ATXN10: variants seen among roughly 807,000 people sequenced by gnomAD.
ATXN10 encodes the protein ataxin 10.
A neutral mutation model predicts 52.9 loss-of-function variants in ATXN10; 28 were observed. The ratio of observed to expected loss-of-function variants is 0.53; its 90% CI spans 0.39 to 0.73. ATXN10 has a LOEUF of 0.73. ATXN10 is among the 30% of genes least tolerant of loss of function. The probability of loss-of-function intolerance (pLI) is 0.00; values close to 1 mark genes in which losing one functional copy is unlikely to be tolerated. For synonymous variants in ATXN10, 226 were observed against 221.5 expected (o/e 1.02, Z -0.18); for missense variants, 565 against 577.0 (o/e 0.98, Z 0.21).
At chr22:45,821,578 G>A (rs1307910349) in intron 10 of ATXN10, among the ~76,000 whole-genome samples, 2 of 152,250 alleles carry the variant, frequency 1.3e-5, no homozygotes, top group East Asian at 1.9e-4. Context: ...AAAATTATTT[G>A]TTCAGTTATA....
At chr22:45,793,093 A>C (rs1188835930) in intron 9 of ATXN10, 1 of 227,660 alleles carries the variant, frequency 4.4e-6, no homozygotes, top group Non-Finnish European at 9.3e-6. Context: ...TCTCCCACAA[A>C]ACCTGACATA....
At chr22:45,776,505 CTT>C (rs745990618) in intron 9 of ATXN10, among the ~76,000 whole-genome samples, 19 of 143,220 alleles carry the variant, frequency 1.3e-4, no homozygotes, top group Admixed American at 2.8e-4. Flanking sequence ...TCCCTGATAC[CTT>C]TTTTTTTTTT....
intron 7 of ATXN10, among the ~76,000 whole-genome samples, chr22:45,731,381 A>G (rs996433772): frequency 1.3e-5 from 2 of 152,204 alleles, no homozygotes; most frequent in Non-Finnish European, 2.9e-5. Context: ...AACTTTCTGG[A>G]TAGTAGAATG....
chr22:45,790,713 T>C lies in ATXN10; in HGVS notation c.1174-16246T>C, dbSNP rs1927478247. On this transcript the variant is annotated intron_variant, in intron 9 of 11. Transcript: ENST00000252934. This position sits in a 1 kb window ranked among gnomAD's most constrained non-coding sequence, Gnocchi z 4.7. ...TTTTGTAGGACCCAATCACAGTTTC[T>C]GTTCAAATAGCCACTGAAACATCTA... Among the ~76,000 whole-genome samples, 1 of 152,244 alleles carries C rather than the reference T, an allele frequency of 6.6e-6. No homozygotes were observed. Among genetic ancestry groups the C allele is most frequent in the South Asian group, 2.1e-4 (1 of 4,834 alleles).
At chr22:45,674,318 G>C (rs1203609284) in intron 1 of ATXN10, 1 of 152,350 alleles carries the variant, frequency 6.6e-6, no homozygotes, top group African/African-American at 2.4e-5. Flanking sequence ...TTCTGGGACA[G>C]TGTCCTTGTT....
At chr22:45,838,990 A>G (rs1929258633) in intron 10 of ATXN10, among the ~76,000 whole-genome samples, 1 of 152,242 alleles carries the variant, frequency 6.6e-6, no homozygotes, top group Non-Finnish European at 1.5e-5. Flanking sequence ...GGGGCAGTGG[A>G]GCAAACTTCA....
rs193101383 is a variant in ATXN10 at position 45,796,679 on chromosome 22, C to T, written c.1174-10280C>T. ...TTGAAATATTGGGGGCTGGTTCCCC[C>T]GATAGATGGGGTTTCACCGTGTTGG... On this transcript the variant is annotated intron_variant, in intron 9 of 11. Transcript: ENST00000252934. 1.0e-3 allele frequency among the ~76,000 whole-genome samples: 154 copies of T among 152,226 alleles called. 4 individuals carry two copies. In the East Asian group the frequency reaches 0.024, roughly 24 times the overall value.
At chr22:45,724,277 TC>T (rs1410977968) in intron 6 of ATXN10, among the ~76,000 whole-genome samples, 2 of 152,076 alleles carry the variant, frequency 1.3e-5, no homozygotes, top group South Asian at 2.1e-4. Context: ...TATTTTACTT[TC>T]CCCCCAGCAT....
Position 45,696,516 on chromosome 22 carries a change from A to G in ATXN10, c.391+3438A>G, listed in dbSNP as rs1003859081. ...TTAGAATGGAGCCAGCCCCTCCACC[A>G]TGTGCTGGATTTCATCGCCACTTGC... On this transcript the variant is annotated intron_variant, in intron 3 of 11. Transcript: ENST00000252934. The surrounding 1 kb of genome is among the most constrained non-coding windows in gnomAD (Gnocchi z 4.7). 6.6e-6 allele frequency among the ~76,000 whole-genome samples: 1 copy of G among 152,240 alleles called. No homozygotes were observed. The highest frequency in any genetic ancestry group is 1.5e-5 in the Non-Finnish European group (1 of 68,048).
rs1424956452 is a variant in ATXN10, at chr22:45,718,123, A to G, written c.648-290A>G. On this transcript the variant is annotated intron_variant, in intron 5 of 11. Transcript: ENST00000252934. This position sits in a 1 kb window ranked among gnomAD's most constrained non-coding sequence, Gnocchi z 4.4. ...CTAAATGAAGAATTTTTCTTTCTCA[A>G]CTTAGATAACAGCTATAGTAGCCCT... is the stretch of plus-strand genomic sequence containing the variant. 1.3e-5 allele frequency among the ~76,000 whole-genome samples: 2 copies of G among 152,204 alleles called. No homozygotes were observed. The highest frequency in any genetic ancestry group is 1.3e-4 in the Admixed American group (2 of 15,280).
intron 9 of ATXN10, among the ~76,000 whole-genome samples, chr22:45,746,208 A>G (rs892078133): frequency 6.6e-6 from 1 of 151,684 alleles, no homozygotes; most frequent in Non-Finnish European, 1.5e-5. Context: ...GTTGTTAAAC[A>G]TTCATAACAT....
At chr22:45,779,536 C>T (rs1276749297) in intron 9 of ATXN10, among the ~76,000 whole-genome samples, 2 of 152,148 alleles carry the variant, frequency 1.3e-5, no homozygotes, top group Non-Finnish European at 2.9e-5. Context: ...GGTGAGTGGC[C>T]GTCTTGCAGT....
chr22:45,711,762 G>C (rs1312940829), intron 5 of ATXN10, among the ~76,000 whole-genome samples: 1 of 152,172 alleles, frequency 6.6e-6, no homozygotes, highest in Non-Finnish European at 1.5e-5. Context: ...ATGTTAGGAT[G>C]TGCACTGCTT....
chr22:45,718,359 T>C lies in ATXN10; in HGVS notation c.648-54T>C. On this transcript the variant is annotated intron_variant, in intron 5 of 11. Transcript: ENST00000252934. This position sits in a 1 kb window ranked among gnomAD's most constrained non-coding sequence, Gnocchi z 4.4. ...GGTGCCTATAAAGTAGATAAGGGCA[T>C]GTCTCTTTTACTATGTTTCAAGTAA... 1 of 1,333,260 alleles carries C rather than the reference T, an allele frequency of 7.5e-7. No individual in the cohort carries two copies. 82.6% of individuals were successfully genotyped at this position (1,333,260 alleles called of 1,614,324 possible). A position where few individuals can be genotyped will look rare whatever the true frequency, so the allele number is the denominator to read the frequency against.
intron 5 of ATXN10, among the ~76,000 whole-genome samples, chr22:45,709,251 T>A (rs553586317): frequency 1.3e-4 from 20 of 152,320 alleles, no homozygotes; most frequent in Non-Finnish European, 2.5e-4. Flanking sequence ...GACTGTGAGC[T>A]CCCTGTAAGG....
chr22:45,754,919 A>G lies in ATXN10; in HGVS notation c.1173+14381A>G, dbSNP rs1326515577. On this transcript the variant is annotated intron_variant, in intron 9 of 11. Transcript: ENST00000252934. The surrounding 1 kb of genome is among the most constrained non-coding windows in gnomAD (Gnocchi z 5.4). ...AGGCAGCCACCATGAAGGGGTGCCA[A>G]GAGTATGAGAAGCATGAGGTCCATG... Among the ~76,000 whole-genome samples the G allele has an allele frequency of 2.0e-5, 3 of 152,208 alleles. No homozygotes were observed. The highest frequency in any genetic ancestry group is 4.4e-5 in the Non-Finnish European group (3 of 68,038).
In ATXN10 at chr22:45,783,736, A is replaced by T. The variant is rs778993084; in HGVS notation, c.1174-23223A>T. Among the ~76,000 whole-genome samples the T allele has an allele frequency of 6.6e-6, 1 of 152,202 alleles. No homozygotes were observed. The highest frequency in any genetic ancestry group is 1.5e-5 in the Non-Finnish European group (1 of 68,032). On this transcript the variant is annotated intron_variant, in intron 9 of 11. Coordinates refer to ENST00000252934, the MANE Select transcript of ATXN10 (RefSeq NM_013236.4). The surrounding 1 kb of genome is among the most constrained non-coding windows in gnomAD (Gnocchi z 5.0). The stretch of plus-strand genomic sequence containing the variant: ...TCTATCACAAAGTAGCTTTCTTTTA[A>T]ATGTTTATCAAATAAATAAATAGAA...
rs1394864824 is a variant in ATXN10, at chr22:45,728,100, C to A, written c.729-1325C>A. Reference sequence around the variant, plus strand: ...AGATGATTTATATTCAATGTTAATACTGAGATGTGAGGTACTATCCCAGCC... The same window carrying A: ...AGATGATTTATATTCAATGTTAATAATGAGATGTGAGGTACTATCCCAGCC... On this transcript the variant is annotated intron_variant, in intron 6 of 11. Transcript: ENST00000252934. The surrounding 1 kb of genome is among the most constrained non-coding windows in gnomAD (Gnocchi z 4.3). 1.3e-5 allele frequency among the ~76,000 whole-genome samples: 2 copies of A among 151,820 alleles called. No homozygotes were observed. Among genetic ancestry groups the A allele is most frequent in the African/African-American group, 4.8e-5 (2 of 41,320 alleles).
chr22:45,811,258 T>A (rs192919316), intron 10 of ATXN10, among the ~76,000 whole-genome samples: 33 of 152,308 alleles, frequency 2.2e-4, no homozygotes, highest in African/African-American at 7.7e-4. Context: ...ACCCTCTTTA[T>A]CTCTAAAAAT....
Sources: allele counts gnomAD v4.1 joint callset (sites outside exome capture counted in the v4.1 genomes callset), GRCh38; gene constraint gnomAD v4.1.1; non-coding constraint Gnocchi (gnomAD v3.1); transcripts MANE v1.5; gene names NCBI Gene and HGNC (gene_info 2026-07-23, HGNC 2026-07-21).